The following PTPRD variants were observed in gnomAD, a reference collection of about 807,000 sequenced individuals.
The protein encoded by PTPRD is receptor-type tyrosine-protein phosphatase delta.
In PTPRD, 34 loss-of-function variants were observed where a neutral mutation model predicts 214.5. That is an observed-to-expected ratio of 0.16 (90% CI 0.12 to 0.21). PTPRD has a LOEUF of 0.21. Among genes scored for constraint, PTPRD ranks in the 10% least tolerant of loss-of-function variants. The pLI is 1.00. For missense variants in PTPRD, 2,545 were observed against 2,398.7 expected, an observed-to-expected ratio of 1.06 and a Z score of -1.27; for synonymous variants, 1,128 against 845.7, an observed-to-expected ratio of 1.33 and a Z score of -5.79.
At chr9:10,296,873 T>G (rs2095690113) in intron 3 of PTPRD, among the ~76,000 whole-genome samples, 1 of 152,028 alleles carries the variant, frequency 6.6e-6, no homozygotes, top group Non-Finnish European at 1.5e-5. Flanking sequence ...TAAGGTTTTG[T>G]TGACCACTTC....
intron 11 of PTPRD, among the ~76,000 whole-genome samples, chr9:9,014,463 T>C (rs1381781513): frequency 6.6e-6 from 1 of 152,174 alleles, no homozygotes; most frequent in Non-Finnish European, 1.5e-5. Context: ...TTTATAAAAG[T>C]GTTAATATGA....
At chr9:9,163,731 A>G (rs968867683) in intron 10 of PTPRD, among the ~76,000 whole-genome samples, 4 of 152,176 alleles carry the variant, frequency 2.6e-5, no homozygotes, top group African/African-American at 9.6e-5. Context: ...TCGACCATTC[A>G]TGATCTGACC....
chr9:9,414,664 A>G (rs1257351329), intron 8 of PTPRD: 2 of 152,200 alleles, frequency 1.3e-5, no homozygotes, highest in Non-Finnish European at 2.9e-5. Context: ...ATTACATGGA[A>G]GAAAGTTTTG....
rs114788378 is a variant in PTPRD, at chr9:8,705,602, G to T, written c.64+28178C>A. On this transcript the variant is annotated intron_variant, in intron 12 of 45. Transcript: ENST00000381196. ...ATTCATAAGAAGCAACAGCAAAGAA[G>T]ACATAAAAGATATATCTGCTTCTTA... is the stretch of plus-strand genomic sequence containing the variant. Among the ~76,000 whole-genome samples, 751 of 152,124 alleles carry T rather than the reference G, an allele frequency of 4.9e-3. 8 individuals carry two copies. Among genetic ancestry groups the T allele is most frequent in the African/African-American group, 0.017 (714 of 41,508 alleles).
intron 11 of PTPRD, among the ~76,000 whole-genome samples, chr9:9,000,832 G>A (rs1314878061): frequency 6.6e-6 from 1 of 151,878 alleles, no homozygotes; most frequent in Non-Finnish European, 1.5e-5. Flanking sequence ...AACAATAAAG[G>A]TGATGGATTC....
chr9:8,523,384 T>C (rs1564053035), intron 19 of PTPRD, 129 bp downstream of exon 19: 6 of 1,104,148 alleles, frequency 5.4e-6, no homozygotes, highest in Non-Finnish European at 7.9e-6. Flanking sequence ...GGCCAGGGCA[T>C]TCTCTGCTAA....
At chr9:8,877,215 G>T (rs1211106108) in intron 11 of PTPRD, among the ~76,000 whole-genome samples, 1 of 152,118 alleles carries the variant, frequency 6.6e-6, no homozygotes, top group African/African-American at 2.4e-5. Flanking sequence ...GTGAACCACC[G>T]CGCCCAGCCT....
intron 5 of PTPRD, among the ~76,000 whole-genome samples, chr9:9,845,954 A>G (rs2059453702): frequency 6.6e-6 from 1 of 152,106 alleles, no homozygotes; most frequent in African/African-American, 2.4e-5. Context: ...AAAAAGCAAC[A>G]GTTTGATGCT....
chr9:9,889,871 G>A (rs970484151), intron 5 of PTPRD, among the ~76,000 whole-genome samples: 7 of 151,726 alleles, frequency 4.6e-5, no homozygotes, highest in South Asian at 2.1e-4. Context: ...AAGGGTGCAC[G>A]GGTTCTCCAG....
At chr9:8,563,739 G>A (rs987715405) in intron 14 of PTPRD, among the ~76,000 whole-genome samples, 1 of 152,078 alleles carries the variant, frequency 6.6e-6, no homozygotes, top group African/African-American at 2.4e-5. Context: ...TCAGCTCATT[G>A]CAACCTCCAC....
rs1222120508 is a variant in PTPRD at position 10,446,871 on chromosome 9, T to C, written c.-599-105854A>G. 2.0e-5 allele frequency among the ~76,000 whole-genome samples: 3 copies of C among 152,270 alleles called. No homozygotes were observed. The East Asian group carries it at 5.8e-4, about 29-fold the overall frequency. ...TCAGAAATCATGGGCCTAATGTTTG[T>C]GCCACAGCATACTGCCCATGCTTAT... On this transcript the variant is annotated intron_variant, in intron 2 of 45. Transcript: ENST00000381196.
chr9:9,167,048 T>A (rs1183812335), intron 10 of PTPRD, among the ~76,000 whole-genome samples: 1 of 152,080 alleles, frequency 6.6e-6, no homozygotes, highest in East Asian at 1.9e-4. Flanking sequence ...GAAAAAAAAC[T>A]AAAGCCCAGA....
intron 9 of PTPRD, among the ~76,000 whole-genome samples, chr9:9,231,444 A>G (rs1402181243): frequency 6.6e-6 from 1 of 152,202 alleles, no homozygotes; most frequent in Non-Finnish European, 1.5e-5. Context: ...GATATAATAA[A>G]TGGAAGAATT....
intron 2 of PTPRD, among the ~76,000 whole-genome samples, chr9:10,540,581 C>G (rs973675011): frequency 6.6e-6 from 1 of 152,112 alleles, no homozygotes; most frequent in African/African-American, 2.4e-5. Context: ...TTCTTTTCAT[C>G]CATTCCTACA....
chr9:9,188,464 T>C (rs1353925774), intron 9 of PTPRD, among the ~76,000 whole-genome samples: 3 of 152,252 alleles, frequency 2.0e-5, no homozygotes, highest in Admixed American at 2.0e-4. Flanking sequence ...GTTGTAGCAA[T>C]TATACTTTTC....
chr9:8,502,854 ATATATATATACACACACACAC>A (rs1333292130), intron 23 of PTPRD, among the ~76,000 whole-genome samples: 2 of 151,058 alleles, frequency 1.3e-5, no homozygotes, highest in African/African-American at 4.9e-5. Flanking sequence ...GTGTGTATAT[ATATATATATACACACACACAC>A]ATATGTTAAA....
At chr9:8,476,344 C>A (rs1156627113) in intron 30 of PTPRD, among the ~76,000 whole-genome samples, 1 of 152,134 alleles carries the variant, frequency 6.6e-6, no homozygotes, top group African/African-American at 2.4e-5. Flanking sequence ...AGGCGGAGCT[C>A]GCTCCAGTGG....
chr9:8,473,075 T>C (rs2096687714), intron 30 of PTPRD, among the ~76,000 whole-genome samples: 1 of 152,180 alleles, frequency 6.6e-6, no homozygotes, highest in African/African-American at 2.4e-5. Context: ...AACTATCTTA[T>C]TCAGTAAGAC....
At chr9:8,504,148 T>C in intron 23 of PTPRD, 113 bp downstream of exon 23, 1 of 1,087,212 alleles carries the variant, frequency 9.2e-7, no homozygotes, top group Non-Finnish European at 1.4e-6. Context: ...CATACTAACC[T>C]AGAGACTAAC....
Sources: allele counts gnomAD v4.1 joint callset (sites outside exome capture counted in the v4.1 genomes callset), GRCh38; gene constraint gnomAD v4.1.1; transcripts MANE v1.5; gene names NCBI Gene and HGNC (gene_info 2026-07-23, HGNC 2026-07-21).